The following FAM107B variants were observed in gnomAD, a reference collection of about 807,000 sequenced individuals.
The protein encoded by FAM107B is family with sequence similarity 107 member B.
FAM107B carries 21 observed loss-of-function variants against 31.5 expected under a neutral mutation model. The observed-to-expected ratio is 0.67, with a 90% CI of 0.47 to 0.96. FAM107B has a LOEUF of 0.96. Ranked by LOEUF, FAM107B falls within the 40% of genes least tolerant of loss-of-function variation. FAM107B has a pLI of 0.00. For missense variants in FAM107B, 452 were observed against 377.1 expected, an observed-to-expected ratio of 1.20 and a Z score of -1.64; for synonymous variants, 157 against 141.5, an observed-to-expected ratio of 1.11 and a Z score of -0.78.
chr10:14,578,390 T>C (rs914394275), intron 2 of FAM107B, among the ~76,000 whole-genome samples: 3 of 152,218 alleles, frequency 2.0e-5, no homozygotes, highest in Admixed American at 6.5e-5. Flanking sequence ...GTTAGAAATA[T>C]AGTGAAGAAA....
intron 2 of FAM107B, among the ~76,000 whole-genome samples, chr10:14,551,980 G>A (rs73599401): frequency 0.011 from 1,617 of 152,132 alleles, 30 homozygotes; most frequent in African/African-American, 0.037. Context: ...TTAGCCTCTC[G>A]GAGACCTGCC....
intron 2 of FAM107B, chr10:14,602,999 C>CACACACA (rs1564596178): frequency 2.2e-4 from 33 of 146,866 alleles, no homozygotes; most frequent in South Asian, 1.1e-3. Context: ...ACCCTCTTTC[C>CACACACA]CACACACACA....
At chr10:14,638,368 G>A (rs889993259) in intron 2 of FAM107B, among the ~76,000 whole-genome samples, 5 of 151,922 alleles carry the variant, frequency 3.3e-5, no homozygotes, top group South Asian at 2.1e-4. Context: ...TGCCTTAAAG[G>A]TTTCCAGTCA....
chr10:14,738,173 C>T (rs991668247), intron 1 of FAM107B, among the ~76,000 whole-genome samples: 1 of 152,218 alleles, frequency 6.6e-6, no homozygotes, highest in African/African-American at 2.4e-5. Flanking sequence ...ACTTGCCCAA[C>T]ATCCCAAAGG....
At chr10:14,568,164 G>A (rs1186613575) in intron 2 of FAM107B, among the ~76,000 whole-genome samples, 1 of 152,228 alleles carries the variant, frequency 6.6e-6, no homozygotes, top group Admixed American at 6.5e-5. Flanking sequence ...AAGCAGCAGC[G>A]AGGGGAAGGG....
At chr10:14,675,065 T>C (rs1348191412) in intron 1 of FAM107B, among the ~76,000 whole-genome samples, 1 of 152,174 alleles carries the variant, frequency 6.6e-6, no homozygotes, top group Non-Finnish European at 1.5e-5. Flanking sequence ...GTATAAATTC[T>C]CTGAAAATAC....
chr10:14,581,830 G>A (rs1851646132), intron 2 of FAM107B, among the ~76,000 whole-genome samples: 1 of 152,186 alleles, frequency 6.6e-6, no homozygotes, highest in Non-Finnish European at 1.5e-5. Flanking sequence ...TTGAGTCCAG[G>A]AGTCCAGGGC....
At chr10:14,598,173 A>G (rs1252304110) in intron 2 of FAM107B, among the ~76,000 whole-genome samples, 3 of 152,108 alleles carry the variant, frequency 2.0e-5, no homozygotes, top group Non-Finnish European at 4.4e-5. Flanking sequence ...GAAGCTTTTT[A>G]GTTCGATGCA....
At chr10:14,572,337 G>A in intron 2 of FAM107B, 4 of 985,372 alleles carry the variant, frequency 4.1e-6, no homozygotes, top group Non-Finnish European at 4.8e-6. Flanking sequence ...TCCAGCCCTG[G>A]GTGGGTACCA....
intron 2 of FAM107B, among the ~76,000 whole-genome samples, chr10:14,620,618 G>A (rs879936966): frequency 6.6e-6 from 1 of 151,988 alleles, no homozygotes; most frequent in Non-Finnish European, 1.5e-5. Context: ...TGCCATATTG[G>A]TTTGCTGCAC....
At chr10:14,605,706 T>C (rs1852570638) in intron 2 of FAM107B, among the ~76,000 whole-genome samples, 1 of 152,234 alleles carries the variant, frequency 6.6e-6, no homozygotes, top group Non-Finnish European at 1.5e-5. Context: ...GGAAGCTGAA[T>C]TCCATGAACT....
intron 2 of FAM107B, among the ~76,000 whole-genome samples, chr10:14,616,583 A>C (rs1852856424): frequency 6.6e-6 from 1 of 152,202 alleles, no homozygotes; most frequent in Non-Finnish European, 1.5e-5. Context: ...ATTGGAGAAC[A>C]CAAAACTTTA....
intron 2 of FAM107B, among the ~76,000 whole-genome samples, chr10:14,545,955 C>A (rs949478943): frequency 1.3e-5 from 2 of 152,200 alleles, no homozygotes; most frequent in Admixed American, 1.3e-4. Context: ...GGAAAATACA[C>A]AGACCACGAA....
At chr10:14,643,101 A>ATAGGTAGGTAGG (rs1009134701) in intron 2 of FAM107B, among the ~76,000 whole-genome samples, 1 of 99,232 alleles carries the variant, frequency 1.0e-5, no homozygotes, top group African/African-American at 3.7e-5. Context: ...CTGATTGGAG[A>ATAGGTAGGTAGG]TAGGTAGGTA....
At chr10:14,678,166 T>C (rs1357166282) in intron 1 of FAM107B, among the ~76,000 whole-genome samples, 1 of 152,230 alleles carries the variant, frequency 6.6e-6, no homozygotes, top group Non-Finnish European at 1.5e-5. Flanking sequence ...AAATGACTTA[T>C]TCTCTCTAAA....
chr10:14,714,666 C>G (rs548488186), intron 1 of FAM107B, among the ~76,000 whole-genome samples: 2 of 152,084 alleles, frequency 1.3e-5, no homozygotes, highest in Non-Finnish European at 2.9e-5. Flanking sequence ...TAGGGAGGAG[C>G]TGAGGGAGGG....
chr10:14,666,221 C>T (rs1377896994), intron 2 of FAM107B, among the ~76,000 whole-genome samples: 1 of 152,144 alleles, frequency 6.6e-6, no homozygotes, highest in African/African-American at 2.4e-5. Context: ...CTGCAAGAGA[C>T]TGGGTAATTT....
intron 1 of FAM107B, among the ~76,000 whole-genome samples, chr10:14,709,050 T>C (rs1588720262): frequency 1.3e-5 from 2 of 152,280 alleles, no homozygotes; most frequent in Middle Eastern, 6.8e-3. Flanking sequence ...TAACAACAAA[T>C]GCTGGCCAGG....
intron 2 of FAM107B, among the ~76,000 whole-genome samples, chr10:14,647,169 T>G (rs2131441410): frequency 6.6e-6 from 1 of 152,248 alleles, no homozygotes; most frequent in East Asian, 1.9e-4. Context: ...GTCTTCCACA[T>G]AGCAGACACT....
Sources: gnomAD v4.1 joint callset for allele counts (sites outside exome capture counted in the v4.1 genomes callset) on GRCh38, gnomAD v4.1.1 for gene constraint, MANE v1.5 for transcripts, NCBI Gene and HGNC (gene_info 2026-07-23, HGNC 2026-07-21) for gene names.